DNAH8: variants seen among roughly 807,000 people sequenced by gnomAD.
DNAH8 encodes dynein axonemal heavy chain 8, also known as axonemal beta dynein heavy chain 8.
Under a neutral mutation model 562.1 loss-of-function variants are expected in DNAH8, and 382 were observed. The ratio of observed to expected loss-of-function variants is 0.68; its 90% CI spans 0.63 to 0.74. DNAH8 has a LOEUF of 0.74. Among genes scored for constraint, DNAH8 ranks in the 30% least tolerant of loss-of-function variants. The pLI is 0.00. For synonymous variants in DNAH8, 1,881 were observed against 1,919.4 expected (o/e 0.98, Z 0.52); for missense variants, 5,203 against 5,620.4 (o/e 0.93, Z 2.37).
chr6:38,794,552 G>C (rs1770052972), intron 21 of DNAH8, among the ~76,000 whole-genome samples: 1 of 152,126 alleles, frequency 6.6e-6, no homozygotes, highest in Admixed American at 6.5e-5. Flanking sequence ...CTTTACTCCA[G>C]CCAGTTACAC....
At chr6:38,762,166 T>A (rs1228282093) in intron 11 of DNAH8, among the ~76,000 whole-genome samples, 1 of 152,198 alleles carries the variant, frequency 6.6e-6, no homozygotes, top group African/African-American at 2.4e-5. Context: ...CTAATTTTGA[T>A]CCTGGTTTAG....
intron 85 of DNAH8, among the ~76,000 whole-genome samples, chr6:38,975,655 A>G (rs1039233644): frequency 1.3e-5 from 2 of 152,208 alleles, no homozygotes; most frequent in Admixed American, 6.5e-5. Context: ...GCTGGTGGTT[A>G]TCTTTACTAA....
chr6:38,837,044 T>C (rs1016330449), intron 32 of DNAH8, among the ~76,000 whole-genome samples: 3 of 152,192 alleles, frequency 2.0e-5, no homozygotes, highest in African/African-American at 7.2e-5. Context: ...AAGAGTCCTA[T>C]GGACTCTTCA....
intron 58 of DNAH8, among the ~76,000 whole-genome samples, chr6:38,893,488 T>C (rs1779476170): frequency 6.6e-6 from 1 of 152,202 alleles, no homozygotes; most frequent in Non-Finnish European, 1.5e-5. Flanking sequence ...GCTGCCGTCA[T>C]GGCTGGAGTG....
chr6:38,967,443 T>G (rs1461715444), intron 82 of DNAH8, among the ~76,000 whole-genome samples: 1 of 152,150 alleles, frequency 6.6e-6, no homozygotes, highest in East Asian at 1.9e-4. Context: ...GATTGTAGGA[T>G]ACAAGATCAA....
intron 70 of DNAH8, among the ~76,000 whole-genome samples, chr6:38,918,352 C>T (rs1781465745): frequency 6.6e-6 from 1 of 152,034 alleles, no homozygotes; most frequent in African/African-American, 2.4e-5. Flanking sequence ...TGACTGAAAC[C>T]AACATGTTAA....
At chr6:38,868,727 G>A (rs1461177769) in intron 48 of DNAH8, among the ~76,000 whole-genome samples, 1 of 151,448 alleles carries the variant, frequency 6.6e-6, no homozygotes, top group African/African-American at 2.4e-5. Context: ...CTGGAGTGCA[G>A]TGGTGCAATC....
intron 4 of DNAH8, among the ~76,000 whole-genome samples, chr6:38,733,975 A>G (rs1471605684): frequency 8.0e-6 from 1 of 125,278 alleles, no homozygotes; most frequent in Non-Finnish European, 1.8e-5. Context: ...GGCTCCATCT[A>G]AAAAAAAAAA....
At chr6:38,932,073 A>G in intron 76 of DNAH8, 80 bp downstream of exon 76, 1 of 1,156,312 alleles carries the variant, frequency 8.6e-7, no homozygotes. Context: ...AGTATGTGAA[A>G]AAGAAAAAAA....
chr6:39,003,564 A>G (rs554613683), intron 88 of DNAH8, among the ~76,000 whole-genome samples: 1 of 152,334 alleles, frequency 6.6e-6, no homozygotes, highest in South Asian at 2.1e-4. Flanking sequence ...ATACCCTTCT[A>G]GTTTTTTTCT....
intron 57 of DNAH8, among the ~76,000 whole-genome samples, chr6:38,887,504 C>G (rs1583279381): frequency 6.6e-6 from 1 of 152,134 alleles, no homozygotes; most frequent in South Asian, 2.1e-4. Flanking sequence ...GCCAGGAGAT[C>G]AAGAGCAGCC....
chr6:38,832,537 G>A (rs1773929886), intron 31 of DNAH8, 102 bp downstream of exon 31: 1 of 660,764 alleles, frequency 1.5e-6, no homozygotes, highest in Non-Finnish European at 2.6e-6. Flanking sequence ...GCATGTATGT[G>A]GCTATATTTG....
intron 37 of DNAH8, among the ~76,000 whole-genome samples, chr6:38,849,422 A>G (rs1775561999): frequency 1.3e-5 from 2 of 152,154 alleles, no homozygotes; most frequent in African/African-American, 4.8e-5. Flanking sequence ...GGCCTTTTAA[A>G]TAAATGCCAA....
chr6:38,852,818 AT>A lies in DNAH8; in HGVS notation c.5571+27del. 1 of 1,576,220 alleles carries A rather than the reference AT, an allele frequency of 6.3e-7. No individual in the cohort carries two copies. Among genetic ancestry groups the A allele is most frequent in the Non-Finnish European group, 8.7e-7 (1 of 1,147,646 alleles). Reference sequence around the variant, plus strand: ...ATTGTTGTAATTTACCTTGCTTTAAATTTTTTTATTAGAATTTCTTTAAAAA... The same window carrying A: ...ATTGTTGTAATTTACCTTGCTTTAAATTTTTTATTAGAATTTCTTTAAAAA... On this transcript the variant is annotated intron_variant, in intron 40 of 92. Coordinates refer to ENST00000327475, the MANE Select transcript of DNAH8 (RefSeq NM_001206927.2).
chr6:38,768,913 G>A (rs573796411), intron 11 of DNAH8, among the ~76,000 whole-genome samples: 1 of 152,092 alleles, frequency 6.6e-6, no homozygotes, highest in Admixed American at 6.6e-5. Flanking sequence ...TTTGGGAATA[G>A]GAGTCAGAAA....
chr6:39,006,156 A>G (rs990749769), intron 88 of DNAH8, among the ~76,000 whole-genome samples: 33 of 152,256 alleles, frequency 2.2e-4, no homozygotes, highest in Non-Finnish European at 4.3e-4. Flanking sequence ...AGCCTTGCTG[A>G]TGTGTTGATT....
At chr6:38,881,918 C>T (rs543906825) in intron 53 of DNAH8, among the ~76,000 whole-genome samples, 161 of 152,116 alleles carry the variant, frequency 1.1e-3, no homozygotes, top group African/African-American at 3.8e-3. Flanking sequence ...TTGGTCTTTT[C>T]CGTCTTTTCA....
chr6:38,748,896 G>A (rs767834159), intron 8 of DNAH8, among the ~76,000 whole-genome samples: 1 of 151,970 alleles, frequency 6.6e-6, no homozygotes, highest in Non-Finnish European at 1.5e-5. Context: ...TCCATTGATA[G>A]AATGATATTA....
intron 57 of DNAH8, among the ~76,000 whole-genome samples, chr6:38,888,288 AT>A (rs1191335630): frequency 1.4e-4 from 22 of 152,334 alleles, no homozygotes; most frequent in African/African-American, 5.3e-4. Flanking sequence ...GCTGTAAAAC[AT>A]TTGGAAGAAA....
Sources: gnomAD v4.1 joint callset for allele counts (sites outside exome capture counted in the v4.1 genomes callset) on GRCh38, gnomAD v4.1.1 for gene constraint, MANE v1.5 for transcripts, NCBI Gene and HGNC (gene_info 2026-07-23, HGNC 2026-07-21) for gene names.